The following RIF1 variants were observed in gnomAD, a reference collection of about 807,000 sequenced individuals.
RIF1 encodes the protein replication timing regulatory factor 1, also known as telomere-associated protein RIF1.
A neutral mutation model predicts 247.1 loss-of-function variants in RIF1; 45 were observed. The ratio of observed to expected loss-of-function variants is 0.18; its 90% confidence interval spans 0.14 to 0.23. The LOEUF is 0.23. Among genes scored for constraint, RIF1 ranks in the 10% least tolerant of loss-of-function variants. The pLI is 1.00. For missense variants in RIF1, 2,967 were observed against 2,862.5 expected, an observed-to-expected ratio of 1.04 and a Z score of -0.83; for synonymous variants, 1,087 against 978.8, an observed-to-expected ratio of 1.11 and a Z score of -2.06.
chr2:151,426,796 G>GC (rs1689181936), intron 8 of RIF1, among the ~76,000 whole-genome samples: 1 of 151,596 alleles, frequency 6.6e-6, no homozygotes, highest in East Asian at 2.0e-4. Flanking sequence ...ATAGGTGCCT[G>GC]CCACCATGCC....
intron 6 of RIF1, 35 bp downstream of exon 6, chr2:151,416,936 G>A: frequency 1.3e-6 from 2 of 1,495,730 alleles, no homozygotes; most frequent in South Asian, 2.4e-5. Flanking sequence ...TTGAAGAATA[G>A]TTTTCATAAA....
At position 151,501,528 on chromosome 2, in the gene RIF1, T is replaced by C. The variant is rs115394251; in HGVS notation, c.*710-1506T>C. Reference sequence around the variant, plus strand: ...AAACAAATCAACCTGGACCCATCATTTTTTAGGTAGACTTAACCTAAAAAA... The same window carrying C: ...AAACAAATCAACCTGGACCCATCATCTTTTAGGTAGACTTAACCTAAAAAA... On this transcript the variant is annotated intron_variant and NMD_transcript_variant, in intron 11 of 13. Coordinates refer to the RIF1 transcript ENST00000454583. 0.011 allele frequency: 13,075 copies of C among 1,155,992 alleles called. 657 individuals are homozygous for C. The East Asian group carries it at 0.14, about 12-fold the overall frequency. 71.6% of individuals were successfully genotyped at this position (1,155,992 alleles called of 1,614,324 possible).
chr2:151,467,023 G>A (rs959755233), intron 30 of RIF1, among the ~76,000 whole-genome samples: 2 of 152,212 alleles, frequency 1.3e-5, no homozygotes, highest in Admixed American at 1.3e-4. Flanking sequence ...AGGGTCGGGA[G>A]TTCAAGACCA....
chr2:151,467,096 G>T (rs1208085166), intron 30 of RIF1, among the ~76,000 whole-genome samples: 1 of 151,976 alleles, frequency 6.6e-6, no homozygotes, highest in Non-Finnish European at 1.5e-5. Context: ...GGGCCTGGTG[G>T]CGCACACCTG....
chr2:151,477,046 C>T lies in RIF1; in HGVS notation c.*1975C>T, dbSNP rs1216202684. The T allele has an allele frequency of 6.6e-6, 1 of 152,066 alleles. No homozygotes were observed. The highest frequency in any genetic ancestry group is 2.4e-5 in the African/African-American group (1 of 41,386). The allele number at this position is 152,066 out of a possible 1,614,324, so 9.4% of individuals were successfully genotyped here. A position where few individuals can be genotyped will look rare whatever the true frequency, so the allele number is the denominator to read the frequency against. ...TAAATCACTGAATTTTATATAAGCA[C>T]AAGTATTAATTTTAAAAACATTATA... On this transcript the variant is annotated 3_prime_UTR_variant, in exon 36 of 36. Transcript: ENST00000444746.
chr2:151,493,917 TATTA>T (rs2058410564), intron 9 of RIF1: 29 of 1,225,420 alleles, frequency 2.4e-5, no homozygotes, highest in Non-Finnish European at 3.2e-5. Context: ...TAATAATCAC[TATTA>T]ATTATATTGC....
chr2:151,457,151 A>G (rs1015761383), intron 23 of RIF1, among the ~76,000 whole-genome samples: 4 of 147,636 alleles, frequency 2.7e-5, no homozygotes, highest in Non-Finnish European at 6.0e-5. Context: ...TTTTTTGGAG[A>G]CAAAATCTCA....
Position 151,464,730 on chromosome 2 carries a change from A to G in RIF1, c.5210A>G (p.Glu1737Gly). The change falls in exon 30 of 36, where the codon GAA becomes GGA. Residue 1737 changes from glutamate (E) to glycine (G), a missense_variant. Around this residue, in one of 7 missense-constraint regions of RIF1, gnomAD observed 2,028 missense variants for 1,825.6 expected, o/e 1.11. Coordinates refer to ENST00000444746, the MANE Select transcript of RIF1 (RefSeq NM_018151.5). Reference protein sequence around the residue: ...RRSKGCDCCGEKSQPQEKSLI... With the variant: ...RRSKGCDCCGGKSQPQEKSLI... ...TCTAAAGGTTGTGATTGCTGTGGGG[A>G]AAAATCACAACCTCAGGAAAAGTCA... 1.2e-6 allele frequency: 2 copies of G among 1,613,402 alleles called. No individual in the cohort carries two copies. Among genetic ancestry groups the G allele is most frequent in the Non-Finnish European group, 1.7e-6 (2 of 1,179,732 alleles).
At chr2:151,411,003 C>T (rs1232211150) in intron 2 of RIF1, among the ~76,000 whole-genome samples, 2 of 152,164 alleles carry the variant, frequency 1.3e-5, no homozygotes, top group African/African-American at 2.4e-5. Context: ...ATAGGGATCC[C>T]TGTTCTGTCT....
intron 4 of RIF1, among the ~76,000 whole-genome samples, chr2:151,415,563 CAAAAA>C (rs3040729): frequency 1.8e-4 from 8 of 44,878 alleles, no homozygotes; most frequent in Admixed American, 1.1e-3. Context: ...GACTCTGTCT[CAAAAA>C]AAAAAAAAAA....
intron 9 of RIF1, chr2:151,490,166 C>A: frequency 8.2e-7 from 1 of 1,214,268 alleles, no homozygotes; most frequent in Non-Finnish European, 1.2e-6. Flanking sequence ...TGTCTTTTTC[C>A]CCCAACTTAG....
At chr2:151,436,084 C>T (rs768840527) in intron 11 of RIF1, among the ~76,000 whole-genome samples, 2 of 151,926 alleles carry the variant, frequency 1.3e-5, no homozygotes, top group Non-Finnish European at 2.9e-5. Flanking sequence ...ATTAGCCGGG[C>T]GTGGTCGTGG....
At chr2:151,516,215 T>C in the RIF1 span, among the ~76,000 whole-genome samples, 1 of 152,224 alleles carries the variant, frequency 6.6e-6, no homozygotes, top group Admixed American at 6.5e-5. Flanking sequence ...TAGTTTTCCA[T>C]GTTCTAATTT....
At chr2:151,524,296 A>C in the RIF1 span, 2 of 1,604,158 alleles carry the variant, frequency 1.2e-6, no homozygotes, top group South Asian at 2.2e-5. Context: ...CCACCAGTGC[A>C]CCCATCTGCA....
chr2:151,427,571 T>A (rs1689335594), intron 8 of RIF1, among the ~76,000 whole-genome samples: 1 of 151,906 alleles, frequency 6.6e-6, no homozygotes, highest in African/African-American at 2.4e-5. Flanking sequence ...TTTTTCTTTT[T>A]GTTTGATAGT....
intron 7 of RIF1, among the ~76,000 whole-genome samples, chr2:151,422,504 A>ATT (rs780843381): frequency 2.1e-5 from 3 of 141,194 alleles, no homozygotes. Flanking sequence ...TTTTGGGAAA[A>ATT]TTTTTTTTTT....
chr2:151,450,979 G>T (rs570200881), intron 20 of RIF1, among the ~76,000 whole-genome samples: 1 of 152,166 alleles, frequency 6.6e-6, no homozygotes, highest in East Asian at 1.9e-4. Flanking sequence ...TGTGATCCTA[G>T]TATTTCCAAT....
chr2:151,501,330 G>T, intron 11 of RIF1: 1 of 1,127,826 alleles, frequency 8.9e-7, no homozygotes. Flanking sequence ...ACAGTGAGAT[G>T]TTCTGTTTTG....
At chr2:151,416,434 C>G in intron 4 of RIF1, 127 bp from the exon 5 acceptor site, 5 of 871,284 alleles carry the variant, frequency 5.7e-6, no homozygotes. Flanking sequence ...CATTGGTTCT[C>G]TGATCTGTTC....
Sources: allele counts gnomAD v4.1 joint callset (sites outside exome capture counted in the v4.1 genomes callset), GRCh38; gene constraint gnomAD v4.1.1; regional missense constraint gnomAD v4.1.1; transcripts MANE v1.5; gene names NCBI Gene and HGNC (gene_info 2026-07-23, HGNC 2026-07-21).